HERC4: variants seen among roughly 807,000 people sequenced by gnomAD.
HERC4 encodes the protein probable E3 ubiquitin-protein ligase HERC4.
Under a neutral mutation model 124.3 loss-of-function variants are expected in HERC4, and 28 were observed. That is an observed-to-expected ratio of 0.23 (90% CI 0.17 to 0.31). The LOEUF is 0.31. Ranked by LOEUF, HERC4 falls within the 10% of genes least tolerant of loss-of-function variation. The pLI, the probability that HERC4 is intolerant of heterozygous loss-of-function variation, is 1.00. For missense variants in HERC4, 713 were observed against 1,229.3 expected, an observed-to-expected ratio of 0.58 and a Z score of 6.28; for synonymous variants, 407 against 421.5, an observed-to-expected ratio of 0.97 and a Z score of 0.42.
chr10:67,984,258 C>T (rs916996701), intron 15 of HERC4, among the ~76,000 whole-genome samples: 1 of 149,640 alleles, frequency 6.7e-6, no homozygotes, highest in South Asian at 2.1e-4. Flanking sequence ...GCCAAGATCA[C>T]GCCACTGTAC....
At chr10:67,960,803 C>T (rs369524069) in intron 16 of HERC4, 22 of 251,116 alleles carry the variant, frequency 8.8e-5, no homozygotes, top group African/African-American at 4.9e-4. Context: ...CCATGAAGCT[C>T]CCTGGTTTTC....
chr10:68,044,599 T>C (rs759204967), intron 3 of HERC4, 36 bp from the exon 4 acceptor site: 1 of 1,584,340 alleles, frequency 6.3e-7, no homozygotes, highest in South Asian at 1.1e-5. Context: ...TGCATTCTAG[T>C]ACAGAAATCA....
intron 15 of HERC4, among the ~76,000 whole-genome samples, chr10:67,979,780 C>G (rs1564502070): frequency 6.6e-6 from 1 of 151,754 alleles, no homozygotes; most frequent in Non-Finnish European, 1.5e-5. Context: ...ACTAAAAATA[C>G]AAAAAAATTA....
intron 15 of HERC4, among the ~76,000 whole-genome samples, chr10:67,983,195 C>T (rs1357693889): frequency 6.6e-6 from 1 of 151,956 alleles, no homozygotes; most frequent in Admixed American, 6.5e-5. Context: ...GTTAAAATGG[C>T]TTTTATTCAA....
intron 19 of HERC4, among the ~76,000 whole-genome samples, chr10:67,946,254 A>C (rs1471118301): frequency 6.6e-6 from 1 of 151,678 alleles, no homozygotes; most frequent in East Asian, 1.9e-4. Context: ...TGTCCAAAAA[A>C]AAAAAAGATG....
At chr10:67,933,622 A>G (rs2032053815) in intron 22 of HERC4, among the ~76,000 whole-genome samples, 1 of 152,176 alleles carries the variant, frequency 6.6e-6, no homozygotes, top group African/African-American at 2.4e-5. Flanking sequence ...TTTTTTTAAA[A>G]CAAGGATATC....
chr10:68,003,335 T>C (rs1242957315), intron 9 of HERC4, among the ~76,000 whole-genome samples: 1 of 148,406 alleles, frequency 6.7e-6, no homozygotes, highest in Non-Finnish European at 1.5e-5. Context: ...CTAATTTTTT[T>C]TTTTTTTTTT....
chr10:68,004,589 T>C (rs2037427508), intron 9 of HERC4, among the ~76,000 whole-genome samples: 1 of 152,158 alleles, frequency 6.6e-6, no homozygotes, highest in African/African-American at 2.4e-5. Flanking sequence ...GGTGTATTCG[T>C]CTGTTTTCAT....
intron 1 of HERC4, chr10:68,073,966 G>C (rs926951716): frequency 6.6e-6 from 1 of 152,106 alleles, no homozygotes; most frequent in South Asian, 2.1e-4. Context: ...TATTACAAGT[G>C]GTAACCGGGA....
At chr10:68,027,783 C>T (rs1016802348) in intron 7 of HERC4, among the ~76,000 whole-genome samples, 21 of 151,756 alleles carry the variant, frequency 1.4e-4, no homozygotes, top group African/African-American at 2.7e-4. Flanking sequence ...ATTAGCTGGG[C>T]GTAGTGGTGT....
At chr10:68,047,747 T>A (rs1486663022) in intron 3 of HERC4, among the ~76,000 whole-genome samples, 2 of 152,194 alleles carry the variant, frequency 1.3e-5, no homozygotes, top group Non-Finnish European at 2.9e-5. Context: ...ATGTCAAGGA[T>A]GTGAAGCAAC....
At chr10:67,927,397 TATATATATATATATATATATATATATA>T (rs2031136937) in intron 23 of HERC4, among the ~76,000 whole-genome samples, 4 of 6,338 alleles carry the variant, frequency 6.3e-4, no homozygotes, top group Admixed American at 1.5e-3. Context: ...TATATATATA[TATATATATATATATATATATATATATA>T]TATATATTTT....
chr10:67,987,830 T>C (rs886641748), intron 15 of HERC4, among the ~76,000 whole-genome samples: 10 of 152,080 alleles, frequency 6.6e-5, no homozygotes, highest in Admixed American at 3.9e-4. Flanking sequence ...AACAGATGGA[T>C]TATCTCCTTT....
chr10:68,014,946 C>G (rs778975092), intron 8 of HERC4, among the ~76,000 whole-genome samples: 1 of 152,190 alleles, frequency 6.6e-6, no homozygotes, highest in Non-Finnish European at 1.5e-5. Flanking sequence ...TGTCTCTTGC[C>G]CTAAACCTCT....
At chr10:68,073,852 T>C (rs1009018610) in intron 1 of HERC4, 166 bp from the exon 2 acceptor site, 126 of 152,238 alleles carry the variant, frequency 8.3e-4, no homozygotes, top group African/African-American at 2.9e-3. Context: ...AATACTAACA[T>C]TCCAACCTCA....
At chr10:68,023,006 TA>T (rs767835359) in intron 8 of HERC4, among the ~76,000 whole-genome samples, 160 of 140,056 alleles carry the variant, frequency 1.1e-3, no homozygotes, top group Middle Eastern at 3.7e-3. Flanking sequence ...ATAGGTATTA[TA>T]AAAAAAAAAA....
chr10:68,039,398 C>A, intron 4 of HERC4: 1 of 1,549,458 alleles, frequency 6.5e-7, no homozygotes, highest in Non-Finnish European at 8.7e-7. Context: ...TTTCCCTTTA[C>A]CTGATACTGT....
chr10:68,037,605 T>G (rs976352826), intron 5 of HERC4, among the ~76,000 whole-genome samples: 1 of 152,176 alleles, frequency 6.6e-6, no homozygotes, highest in African/African-American at 2.4e-5. Flanking sequence ...TCTTCCCCAG[T>G]TGCAGCTATG....
intron 19 of HERC4, among the ~76,000 whole-genome samples, chr10:67,948,637 T>G (rs1041332115): frequency 6.6e-6 from 1 of 152,140 alleles, no homozygotes; most frequent in South Asian, 2.1e-4. Flanking sequence ...GAACTAAAAG[T>G]AGGCCAGGCA....
Sources: gnomAD v4.1 joint callset for allele counts (sites outside exome capture counted in the v4.1 genomes callset) on GRCh38, gnomAD v4.1.1 for gene constraint, MANE v1.5 for transcripts, NCBI Gene and HGNC (gene_info 2026-07-23, HGNC 2026-07-21) for gene names.